The following SPIDR variants were observed in gnomAD, a reference collection of about 807,000 sequenced individuals.
SPIDR encodes the protein scaffold protein involved in DNA repair, also known as DNA repair-scaffolding protein.
Under a neutral mutation model 104.6 loss-of-function variants are expected in SPIDR, and 93 were observed. That is an observed-to-expected ratio of 0.89 (90% CI 0.75 to 1.06). SPIDR has a LOEUF of 1.06. SPIDR is among the 50% of genes least tolerant of loss of function. SPIDR has a pLI of 0.00. For missense variants in SPIDR, 1,154 were observed against 1,111.2 expected (o/e 1.04, Z -0.55); for synonymous variants, 431 against 416.9 (o/e 1.03, Z -0.41).
intron 8 of SPIDR, among the ~76,000 whole-genome samples, chr8:47,561,411 G>A (rs763830470): frequency 1.3e-5 from 2 of 152,154 alleles, no homozygotes; most frequent in African/African-American, 4.8e-5. Context: ...CCAGGCTTCA[G>A]GACGCCTCCC....
intron 1 of SPIDR, 67 bp from the exon 2 acceptor site, chr8:47,279,795 A>G (rs1205939501): frequency 6.9e-7 from 1 of 1,458,378 alleles, no homozygotes; most frequent in African/African-American, 1.4e-5. Context: ...TGTGAACTGA[A>G]TGTCTATTTA....
intron 5 of SPIDR, among the ~76,000 whole-genome samples, chr8:47,309,313 T>G (rs1554583444): frequency 6.6e-6 from 1 of 152,150 alleles, no homozygotes; most frequent in Non-Finnish European, 1.5e-5. Context: ...GGTTGGAGAT[T>G]TTATTGAGGA....
intron 10 of SPIDR, among the ~76,000 whole-genome samples, chr8:47,642,289 G>A (rs1296715134): frequency 6.6e-6 from 1 of 152,010 alleles, no homozygotes; most frequent in Non-Finnish European, 1.5e-5. Flanking sequence ...GGTGGTGGGC[G>A]CCTGTAGTCC....
chr8:47,311,660 G>T (rs1554585207), intron 5 of SPIDR, among the ~76,000 whole-genome samples: 1 of 151,318 alleles, frequency 6.6e-6, no homozygotes, highest in East Asian at 1.9e-4. Flanking sequence ...TCTACAAAAA[G>T]AAAAAAATCT....
At chr8:47,276,068 C>G (rs2036364119) in intron 1 of SPIDR, among the ~76,000 whole-genome samples, 1 of 152,110 alleles carries the variant, frequency 6.6e-6, no homozygotes. Flanking sequence ...GCCATGTTCC[C>G]CAGGCTGGTC....
chr8:47,706,474 ACT>A (rs1305860523), intron 14 of SPIDR, among the ~76,000 whole-genome samples: 2 of 152,064 alleles, frequency 1.3e-5, no homozygotes, highest in East Asian at 3.9e-4. Flanking sequence ...CCACGTGTGC[ACT>A]CTGTGTGTTT....
intron 8 of SPIDR, among the ~76,000 whole-genome samples, chr8:47,562,191 G>A (rs1419350179): frequency 6.6e-6 from 1 of 152,208 alleles, no homozygotes; most frequent in Non-Finnish European, 1.5e-5. Flanking sequence ...ATTATATAAT[G>A]TAGATTTCCC....
intron 10 of SPIDR, among the ~76,000 whole-genome samples, chr8:47,619,358 A>G (rs964645327): frequency 1.3e-5 from 2 of 152,192 alleles, no homozygotes; most frequent in African/African-American, 4.8e-5. Context: ...GCCCTTAAAT[A>G]CTAGTTACAA....
intron 8 of SPIDR, among the ~76,000 whole-genome samples, chr8:47,522,035 G>T (rs1312259508): frequency 6.6e-6 from 1 of 151,854 alleles, no homozygotes; most frequent in East Asian, 2.0e-4. Flanking sequence ...ATGGTGGCAG[G>T]TGCCTGTAAT....
intron 10 of SPIDR, chr8:47,659,670 C>A: frequency 1.0e-6 from 1 of 974,100 alleles, no homozygotes. Flanking sequence ...CGCCTTTTCT[C>A]AGCGGCTCCC....
intron 10 of SPIDR, among the ~76,000 whole-genome samples, chr8:47,664,280 G>A (rs541720254): frequency 1.3e-5 from 2 of 152,308 alleles, no homozygotes; most frequent in African/African-American, 2.4e-5. Flanking sequence ...TCATGCTAGA[G>A]AGGCAAGCCC....
intron 14 of SPIDR, among the ~76,000 whole-genome samples, chr8:47,704,664 G>A (rs1254102899): frequency 2.6e-5 from 4 of 152,218 alleles, no homozygotes; most frequent in African/African-American, 7.2e-5. Flanking sequence ...GAATTTAGGA[G>A]TTTTGAAATA....
chr8:47,428,691 T>A (rs1456129872), intron 7 of SPIDR, among the ~76,000 whole-genome samples: 9 of 152,220 alleles, frequency 5.9e-5, no homozygotes, highest in African/African-American at 1.9e-4. Flanking sequence ...TAGGTCAGCA[T>A]CTTTTAAAAA....
At chr8:47,297,547 G>C (rs1488829138) in intron 5 of SPIDR, among the ~76,000 whole-genome samples, 1 of 151,932 alleles carries the variant, frequency 6.6e-6, no homozygotes, top group Non-Finnish European at 1.5e-5. Flanking sequence ...ATGTCGGTGT[G>C]CTGCACCCAT....
intron 10 of SPIDR, among the ~76,000 whole-genome samples, chr8:47,647,630 G>GAGAGAGAGAGAGAGAA (rs2070702613): frequency 6.9e-6 from 1 of 145,552 alleles, no homozygotes; most frequent in Non-Finnish European, 1.5e-5. Context: ...GAGAGAGAGA[G>GAGAGAGAGAGAGAGAA]AGAGAGAGAG....
chr8:47,522,159 C>T (rs868482872), intron 8 of SPIDR, among the ~76,000 whole-genome samples: 4 of 140,226 alleles, frequency 2.9e-5, no homozygotes. Flanking sequence ...GCGACAAGAG[C>T]GAGAGTCTGT....
At chr8:47,268,851 G>T (rs1449733334) in intron 1 of SPIDR, among the ~76,000 whole-genome samples, 1 of 152,092 alleles carries the variant, frequency 6.6e-6, no homozygotes, top group Non-Finnish European at 1.5e-5. Context: ...CTGAAGTGTG[G>T]ATTCCTTAGG....
chr8:47,660,929 C>G (rs1463219312), intron 10 of SPIDR: 1 of 985,154 alleles, frequency 1.0e-6, no homozygotes, highest in African/African-American at 1.7e-5. Flanking sequence ...TGAAGGAAAC[C>G]AAGATTTTGA....
At chr8:47,685,192 A>C (rs1039408104) in intron 11 of SPIDR, among the ~76,000 whole-genome samples, 1 of 152,094 alleles carries the variant, frequency 6.6e-6, no homozygotes, top group African/African-American at 2.4e-5. Flanking sequence ...CCTGGGCAAC[A>C]AGAGCAAAAC....
Sources: gnomAD v4.1 joint callset for allele counts (sites outside exome capture counted in the v4.1 genomes callset) on GRCh38, gnomAD v4.1.1 for gene constraint, MANE v1.5 for transcripts, NCBI Gene and HGNC (gene_info 2026-07-23, HGNC 2026-07-21) for gene names.